ZNF578: variants seen among roughly 807,000 people sequenced by gnomAD.
ZNF578 encodes Putative chemokine-related protein B42.
Under a neutral mutation model 8.3 loss-of-function variants are expected in ZNF578, and 8 were observed. That is an observed-to-expected ratio of 0.96 (90% CI 0.56 to 1.74). The LOEUF is 1.74. ZNF578 is among the 40% of genes most tolerant of loss of function. The probability of loss-of-function intolerance (pLI) is 0.00; values close to 1 mark genes in which losing one functional copy is unlikely to be tolerated. For missense variants in ZNF578, 726 were observed against 707.5 expected (o/e 1.03, Z -0.30); for synonymous variants, 206 against 232.2 (o/e 0.89, Z 1.03).
chr19:52,495,721 A>G (rs1487404910), intron 3 of ZNF578, among the ~76,000 whole-genome samples: 2 of 150,328 alleles, frequency 1.3e-5, no homozygotes, highest in Admixed American at 1.3e-4. Flanking sequence ...ACAGATGAGA[A>G]TGAGAGTTGC....
rs567397505 is a variant in ZNF578, at chr19:52,507,183, T to A, written c.190+2402T>A. On this transcript the variant is annotated intron_variant, in intron 5 of 5. Transcript: ENST00000421239. Reference sequence around the variant, plus strand: ...TGGGTGGATCACTTGAGGTCAGAAGTTCGAGACCAGCCTGGCCAACATGGT... The same window carrying A: ...TGGGTGGATCACTTGAGGTCAGAAGATCGAGACCAGCCTGGCCAACATGGT... Among the ~76,000 whole-genome samples, 3 of 152,230 alleles carry A rather than the reference T, an allele frequency of 2.0e-5. No individual in the cohort carries two copies. In the South Asian group the frequency reaches 6.2e-4, roughly 32 times the overall value.
intron 2 of ZNF578, among the ~76,000 whole-genome samples, chr19:52,479,491 T>C (rs1434745807): frequency 7.3e-6 from 1 of 137,868 alleles, no homozygotes; most frequent in Admixed American, 8.2e-5. Context: ...GCGGAGATTG[T>C]GCCATTGCAC....
chr19:52,495,438 G>A lies in ZNF578; in HGVS notation c.-20+4013G>A, dbSNP rs185683675. 1.4e-3 allele frequency among the ~76,000 whole-genome samples: 209 copies of A among 148,028 alleles called. 2 individuals are homozygous for A. Among genetic ancestry groups the A allele is most frequent in the African/African-American group, 5.0e-3 (204 of 40,406 alleles). ...GTACTTCAGCGTGGGCAATAAGAGC[G>A]AATCTCTGTCTCAAAAAAACCAAAA... On this transcript the variant is annotated intron_variant, in intron 3 of 5. Coordinates refer to ENST00000421239, the MANE Select transcript of ZNF578 (RefSeq NM_001099694.2).
intron 2 of ZNF578, among the ~76,000 whole-genome samples, chr19:52,471,806 T>C (rs1341243247): frequency 6.6e-6 from 1 of 152,104 alleles, no homozygotes; most frequent in Non-Finnish European, 1.5e-5. Flanking sequence ...TGGGCAAAAG[T>C]TAAAATTACC....
intron 3 of ZNF578, among the ~76,000 whole-genome samples, chr19:52,495,564 T>C (rs2447420): frequency 0.01 from 1,592 of 152,002 alleles, 16 homozygotes; most frequent in Non-Finnish European, 0.016. Context: ...AAGGGCTATG[T>C]ATAAAATGAT....
intron 2 of ZNF578, among the ~76,000 whole-genome samples, chr19:52,467,406 G>A (rs544583423): frequency 1.2e-4 from 19 of 152,038 alleles, no homozygotes; most frequent in Admixed American, 3.9e-4. Context: ...ACTCCAGCCT[G>A]GGCAACAAGA....
rs996300669 is a variant in ZNF578, at chr19:52,474,817, C to T, written c.-121-16507C>T. 2.0e-5 allele frequency: 4 copies of T among 200,800 alleles called. No homozygotes were observed. The Admixed American group carries it at 2.2e-4, about 11-fold the overall frequency. The allele number at this position is 200,800 out of a possible 1,614,324, so 12.4% of individuals were successfully genotyped here. A position where few individuals can be genotyped will look rare whatever the true frequency, so the allele number is the denominator to read the frequency against. On this transcript the variant is annotated intron_variant, in intron 2 of 5. Coordinates refer to ENST00000421239, the MANE Select transcript of ZNF578 (RefSeq NM_001099694.2). ...ACATTCATTATGTTTCTGAGACTTT[C>T]TCCAGTATGAATTCTTCGATGTTGT...
At chr19:52,505,510 C>T (rs1280220998) in intron 5 of ZNF578, among the ~76,000 whole-genome samples, 1 of 152,132 alleles carries the variant, frequency 6.6e-6, no homozygotes, top group Non-Finnish European at 1.5e-5. Context: ...TAAGCTCCGC[C>T]TCCCGGGTTC....
chr19:52,500,959 A>G lies in ZNF578; in HGVS notation c.-19-868A>G, dbSNP rs140170535. ...AGTGGTGGGATCTCGGCTCACTGCAACCTCTGTCTCCTGGCTTCAAGCAAT... is the reference window on the plus strand; with the variant it reads ...AGTGGTGGGATCTCGGCTCACTGCAGCCTCTGTCTCCTGGCTTCAAGCAAT... On this transcript the variant is annotated intron_variant, in intron 3 of 5. Coordinates refer to ENST00000421239, the MANE Select transcript of ZNF578 (RefSeq NM_001099694.2). 9.6e-4 allele frequency among the ~76,000 whole-genome samples: 142 copies of G among 147,956 alleles called. 2 individuals are homozygous for G. The East Asian group carries it at 0.017, about 18-fold the overall frequency.
chr19:52,486,306 A>G (rs924817460), intron 2 of ZNF578, among the ~76,000 whole-genome samples: 11 of 151,952 alleles, frequency 7.2e-5, no homozygotes, highest in Non-Finnish European at 1.3e-4. Flanking sequence ...CCTCTCTGAG[A>G]TGGTAGAGAT....
intron 3 of ZNF578, among the ~76,000 whole-genome samples, chr19:52,496,683 G>A (rs1321002113): frequency 6.6e-6 from 1 of 151,860 alleles, no homozygotes; most frequent in Non-Finnish European, 1.5e-5. Flanking sequence ...CTGTCACCCA[G>A]GCTGGAGTGC....
At chr19:52,501,678 G>C in intron 3 of ZNF578, 149 bp from the exon 4 acceptor site, 1 of 777,664 alleles carries the variant, frequency 1.3e-6, no homozygotes, top group Non-Finnish European at 2.0e-6. Context: ...CTTCCTGTGG[G>C]ACTTTCTTAT....
intron 2 of ZNF578, among the ~76,000 whole-genome samples, chr19:52,460,487 A>G (rs897942478): frequency 3.3e-5 from 5 of 152,110 alleles, no homozygotes; most frequent in Admixed American, 6.5e-5. Context: ...TTGCCCATTC[A>G]TTAATTGGGT....
chr19:52,508,747 A>G (rs1248900277), intron 5 of ZNF578, among the ~76,000 whole-genome samples: 2 of 150,320 alleles, frequency 1.3e-5, no homozygotes, highest in Admixed American at 1.3e-4. Context: ...GTGAGCTGAT[A>G]TTGCATCATT....
chr19:52,505,211 C>T (rs1048972331), intron 5 of ZNF578, among the ~76,000 whole-genome samples: 2 of 151,738 alleles, frequency 1.3e-5, no homozygotes, highest in African/African-American at 4.8e-5. Flanking sequence ...AGGAGCATCA[C>T]AGAAGCGTCT....
intron 5 of ZNF578, among the ~76,000 whole-genome samples, chr19:52,505,614 C>T (rs1431908474): frequency 6.6e-6 from 1 of 151,708 alleles, no homozygotes; most frequent in Non-Finnish European, 1.5e-5. Flanking sequence ...TTAGTAGAGA[C>T]GGGGTTTCAC....
intron 2 of ZNF578, among the ~76,000 whole-genome samples, chr19:52,475,772 C>A (rs1251667039): frequency 1.3e-5 from 2 of 152,152 alleles, no homozygotes; most frequent in African/African-American, 2.4e-5. Context: ...ACAATAGTGC[C>A]TGCGTAATGG....
At chr19:52,460,280 C>T (rs924390742) in intron 2 of ZNF578, among the ~76,000 whole-genome samples, 1 of 150,442 alleles carries the variant, frequency 6.6e-6, no homozygotes, top group African/African-American at 2.4e-5. Context: ...CAACTGTCCA[C>T]AAATGTTCCA....
At chr19:52,508,820 T>A (rs1189150933) in intron 5 of ZNF578, among the ~76,000 whole-genome samples, 2 of 148,944 alleles carry the variant, frequency 1.3e-5, no homozygotes, top group Non-Finnish European at 3.0e-5. Context: ...AGAAATCTGA[T>A]AATCGCTTTT....
Sources: allele counts gnomAD v4.1 joint callset (sites outside exome capture counted in the v4.1 genomes callset), GRCh38; gene constraint gnomAD v4.1.1; transcripts MANE v1.5; gene names NCBI Gene and HGNC (gene_info 2026-07-23, HGNC 2026-07-21).